The following PPP2R5C variants were observed in gnomAD, a reference collection of about 807,000 sequenced individuals.
PPP2R5C encodes serine/threonine-protein phosphatase 2A 56 kDa regulatory subunit gamma isoform.
Under a neutral mutation model 68.9 loss-of-function variants are expected in PPP2R5C, and 7 were observed. The observed-to-expected ratio is 0.10, with a 90% confidence interval of 0.06 to 0.19. The LOEUF (loss-of-function observed/expected upper bound fraction) is 0.19. Among genes scored for constraint, PPP2R5C ranks in the 10% least tolerant of loss-of-function variants. The pLI is 1.00. For synonymous variants in PPP2R5C, 210 were observed against 222.2 expected (o/e 0.95, Z 0.49); for missense variants, 348 against 641.3 (o/e 0.54, Z 4.94).
At chr14:101,814,499 TA>T (rs897491373) in intron 1 of PPP2R5C, among the ~76,000 whole-genome samples, 3 of 152,234 alleles carry the variant, frequency 2.0e-5, no homozygotes, top group Non-Finnish European at 4.4e-5. Context: ...TTTATGCTCA[TA>T]AACACACTCT....
At chr14:101,920,379 G>A (rs1227828036) in intron 13 of PPP2R5C, among the ~76,000 whole-genome samples, 1 of 152,216 alleles carries the variant, frequency 6.6e-6, no homozygotes, top group African/African-American at 2.4e-5. Context: ...GTGTCTACTT[G>A]TAAATACACA....
At chr14:101,849,099 A>C (rs2042005722) in intron 1 of PPP2R5C, among the ~76,000 whole-genome samples, 1 of 152,232 alleles carries the variant, frequency 6.6e-6, no homozygotes. Context: ...TATTTCATTC[A>C]TCTCTATCGC....
chr14:101,901,915 T>G, intron 9 of PPP2R5C, 26 bp downstream of exon 11: 1 of 1,604,074 alleles, frequency 6.2e-7, no homozygotes, highest in Non-Finnish European at 8.5e-7. Context: ...GGGACCTGAT[T>G]AAATTCTTCC....
intron 3 of PPP2R5C, 125 bp from the exon 6 acceptor site, chr14:101,883,132 T>C (rs2044263118): frequency 1.5e-6 from 1 of 650,574 alleles, no homozygotes; most frequent in African/African-American, 1.8e-5. Flanking sequence ...TAGCATTAAT[T>C]CTGTAGATAT....
intron 3 of PPP2R5C, 80 bp downstream of exon 3, chr14:101,786,263 T>C: frequency 7.7e-7 from 1 of 1,299,926 alleles, no homozygotes; most frequent in Non-Finnish European, 1.0e-6. Flanking sequence ...TGCTAATTTA[T>C]TCCTTTGCTG....
chr14:101,831,352 A>T (rs1191519693), intron 1 of PPP2R5C, among the ~76,000 whole-genome samples: 1 of 152,242 alleles, frequency 6.6e-6, no homozygotes, highest in Non-Finnish European at 1.5e-5. Context: ...AAACTATTAA[A>T]ACATGTGCAA....
chr14:101,890,898 G>A (rs1169296162), intron 6 of PPP2R5C, among the ~76,000 whole-genome samples: 1 of 149,494 alleles, frequency 6.7e-6, no homozygotes, highest in Admixed American at 6.7e-5. Flanking sequence ...TCAGCCTCCC[G>A]AGTAGCTGGG....
chr14:101,914,280 TG>T (rs2046542251), intron 12 of PPP2R5C: 4 of 443,098 alleles, frequency 9.0e-6, no homozygotes, highest in Middle Eastern at 7.4e-4. Flanking sequence ...GCAGTCCCCA[TG>T]AGTCTCGTCC....
In PPP2R5C at chr14:101,795,432, G is replaced by A. The variant is rs1474455937; in HGVS notation, c.259+9249G>A. Among the ~76,000 whole-genome samples the A allele has an allele frequency of 3.3e-5, 5 of 151,952 alleles. No individual in the cohort carries two copies. The East Asian group carries it at 9.6e-4, about 29-fold the overall frequency. On this transcript the variant is annotated intron_variant, in intron 3 of 14. Transcript: ENST00000328724. The stretch of plus-strand genomic sequence containing the variant: ...GAGGTTGAATATAGCCCTCAGACCT[G>A]TTCATTGTAAGATTATTCTGAATTA...
At chr14:101,850,610 G>T (rs1244290202) in intron 1 of PPP2R5C, among the ~76,000 whole-genome samples, 2 of 152,120 alleles carry the variant, frequency 1.3e-5, no homozygotes, top group African/African-American at 2.4e-5. Context: ...CGTGAGGAGG[G>T]ACCAGGTGCA....
At chr14:101,843,893 G>C (rs530609754) in intron 1 of PPP2R5C, 7 of 171,138 alleles carry the variant, frequency 4.1e-5, no homozygotes, top group African/African-American at 1.7e-4. Flanking sequence ...ATACACACGG[G>C]CCCTGAACCA....
intron 12 of PPP2R5C, chr14:101,912,723 TATACTGTGG>T: frequency 4.5e-6 from 3 of 666,534 alleles, no homozygotes; most frequent in Non-Finnish European, 6.2e-6. Context: ...ATCTTATGCA[TATACTGTGG>T]TAAAAAGAAA....
intron 2 of PPP2R5C, among the ~76,000 whole-genome samples, chr14:101,784,097 C>T (rs964071433): frequency 3.3e-5 from 5 of 152,208 alleles, no homozygotes; most frequent in Non-Finnish European, 5.9e-5. Context: ...AGAAGGGAAC[C>T]GAGACCCCTG....
At chr14:101,865,956 A>G (rs1466939219) in intron 2 of PPP2R5C, among the ~76,000 whole-genome samples, 2 of 152,204 alleles carry the variant, frequency 1.3e-5, no homozygotes, top group Non-Finnish European at 2.9e-5. Context: ...GCTGGAGTGC[A>G]GTGGCGTAAT....
At chr14:101,760,688 G>T (rs868546624), upstream of PPP2R5C, 108 of 966,914 alleles carry the variant, frequency 1.1e-4, no homozygotes, top group Middle Eastern at 3.7e-3. Flanking sequence ...CTGTCGGATG[G>T]GCGGGACCTC....
Position 101,882,924 on chromosome 14 carries a change from G to A in PPP2R5C, c.406-333G>A, listed in dbSNP as rs2044249796. 8.9e-6 allele frequency: 2 copies of A among 224,286 alleles called. No homozygotes were observed. Among genetic ancestry groups the A allele is most frequent in the Non-Finnish European group, 1.7e-5 (2 of 115,670 alleles). 13.9% of individuals were successfully genotyped at this position (224,286 alleles called of 1,614,324 possible). ...GTGGGACACTCCTAGGCGACAGGCT[G>A]CAAATCCCCCCTGCAGAGTTGGGTC... On this transcript the variant is annotated intron_variant, in intron 3 of 13. Transcript: ENST00000334743. The surrounding 1 kb of genome is among the most constrained non-coding windows in gnomAD (Gnocchi z 4.9).
chr14:101,871,308 C>G (rs539166337), intron 2 of PPP2R5C, among the ~76,000 whole-genome samples: 3 of 152,154 alleles, frequency 2.0e-5, no homozygotes, highest in South Asian at 4.1e-4. Context: ...GTGGCACAAT[C>G]TCTGCTCACT....
chr14:101,810,177 G>T (rs2039272118), intron 1 of PPP2R5C: 6 of 760,118 alleles, frequency 7.9e-6, no homozygotes, highest in Non-Finnish European at 8.6e-6. Context: ...AGAGGAGGTT[G>T]GGTGTGTCAC....
intron 1 of PPP2R5C, among the ~76,000 whole-genome samples, chr14:101,829,954 T>A (rs1395745589): frequency 2.0e-5 from 3 of 151,242 alleles, no homozygotes; most frequent in South Asian, 2.1e-4. Context: ...AAAAAAAAAA[T>A]TTTTTTTCAA....
Sources: gnomAD v4.1 joint callset for allele counts (sites outside exome capture counted in the v4.1 genomes callset) on GRCh38, gnomAD v4.1.1 for gene constraint, Gnocchi (gnomAD v3.1) non-coding constraint, MANE v1.5 for transcripts, NCBI Gene and HGNC (gene_info 2026-07-23, HGNC 2026-07-21) for gene names.